Variants in AFF1 observed in about 807,000 individuals in gnomAD.
AFF1 encodes the protein ALF transcription elongation factor 1.
A neutral mutation model predicts 121.7 loss-of-function variants in AFF1; 48 were observed. The ratio of observed to expected loss-of-function variants is 0.39; its 90% CI spans 0.31 to 0.50. AFF1 has a LOEUF of 0.50. Ranked by LOEUF, AFF1 falls within the 20% of genes least tolerant of loss-of-function variation. The pLI is 0.76. For missense variants in AFF1, 1,523 were observed against 1,511.7 expected (o/e 1.01, Z -0.12); for synonymous variants, 613 against 563.0 (o/e 1.09, Z -1.26).
At chr4:87,085,930 T>C (rs1191200149) in intron 5 of AFF1, among the ~76,000 whole-genome samples, 1 of 151,918 alleles carries the variant, frequency 6.6e-6, no homozygotes, top group African/African-American at 2.4e-5. Context: ...GTAGAGACGG[T>C]GTTTCACCAT....
intron 2 of AFF1, among the ~76,000 whole-genome samples, chr4:86,961,663 A>ACCC (rs1722158841): frequency 1.3e-5 from 2 of 148,798 alleles, no homozygotes; most frequent in Non-Finnish European, 3.0e-5. Flanking sequence ...TAGTTACCCA[A>ACCC]AAAAAAAAAA....
chr4:86,944,160 A>G (rs1188736102), intron 1 of AFF1, among the ~76,000 whole-genome samples: 1 of 145,484 alleles, frequency 6.9e-6, no homozygotes, highest in African/African-American at 2.5e-5. Flanking sequence ...AAAAAAAAAA[A>G]AAAGTCTTCC....
Position 87,046,125 on chromosome 4 carries a change from T to A in AFF1, c.39-41T>A, listed in dbSNP as rs1349213693. 3 of 1,607,232 alleles carry A rather than the reference T, an allele frequency of 1.9e-6. No homozygotes were observed. The Admixed American group carries it at 5.2e-5, about 28-fold the overall frequency. On this transcript the variant is annotated intron_variant, in intron 2 of 20. Coordinates refer to ENST00000395146, the MANE Select transcript of AFF1 (RefSeq NM_001166693.3). ...ATGCCTGACAAAACTTGGAGACTGA[T>A]AAATTTTATTGTTTTCATTCTTTTG...
chr4:87,020,546 G>A (rs1171518836), intron 2 of AFF1, among the ~76,000 whole-genome samples: 3 of 152,072 alleles, frequency 2.0e-5, no homozygotes, highest in Admixed American at 6.6e-5. Context: ...GTGCAGTGGC[G>A]CAATTTCGGC....
At chr4:87,016,319 A>C (rs1727294445) in intron 2 of AFF1, among the ~76,000 whole-genome samples, 1 of 152,072 alleles carries the variant, frequency 6.6e-6, no homozygotes, top group Non-Finnish European at 1.5e-5. Context: ...GTTTTTGTAA[A>C]AGTGATTTTA....
intron 11 of AFF1, among the ~76,000 whole-genome samples, chr4:87,114,075 A>T (rs1399959745): frequency 1.3e-5 from 2 of 152,240 alleles, no homozygotes; most frequent in African/African-American, 4.8e-5. Context: ...TGTTTAAATT[A>T]TACTATAATT....
intron 8 of AFF1, among the ~76,000 whole-genome samples, chr4:87,098,307 T>C (rs983022636): frequency 1.2e-4 from 18 of 152,222 alleles, no homozygotes; most frequent in African/African-American, 4.1e-4. Context: ...TGTAAAGTTC[T>C]GTAGGTAACT....
chr4:87,091,864 A>G, intron 7 of AFF1, 35 bp downstream of exon 7: 1 of 1,484,020 alleles, frequency 6.7e-7, no homozygotes, highest in Non-Finnish European at 9.2e-7. Context: ...TGGATTGGAG[A>G]ACAAAGCATA....
rs554801102 is a variant in AFF1, at chr4:87,136,487, C to T, written c.*786C>T. Reference sequence around the variant, plus strand: ...TCGAGGTCTGCACAGGAGGACTTGGCGCTGCCATTTCCTACCCCTGCCATT... The same window carrying T: ...TCGAGGTCTGCACAGGAGGACTTGGTGCTGCCATTTCCTACCCCTGCCATT... On this transcript the variant is annotated 3_prime_UTR_variant, in exon 21 of 21. Transcript: ENST00000395146. 6.5e-5 allele frequency: 15 copies of T among 232,474 alleles called. No individual in the cohort carries two copies. Among genetic ancestry groups the T allele is most frequent in the South Asian group, 1.8e-4 (1 of 5,522 alleles). 14.4% of individuals were successfully genotyped at this position (232,474 alleles called of 1,614,324 possible).
intron 5 of AFF1, 112 bp from the exon 6 acceptor site, chr4:87,089,872 T>C: frequency 1.4e-6 from 1 of 722,140 alleles, no homozygotes; most frequent in Non-Finnish European, 2.3e-6. Flanking sequence ...ACTTTTAAGA[T>C]TGTACTTGCC....
rs1430004184 is a variant in AFF1, at chr4:87,114,707, G to A, written c.1874G>A (p.Arg625Gln). ...AAGGCCTCTGCCCGGGCAGGTTCAC[G>A]GACCAGCCTGCAGGGGGAAAGGGAG... is the stretch of plus-strand genomic sequence containing the variant. ...PVKASARAGS[R>Q]TSLQGEREPG... Residue 625 changes from arginine to glutamine, a missense_variant, in exon 12 of 21, where the codon CGG (arginine) becomes CAG (glutamine). By Grantham distance (43) the Arg-to-Gln change is conservative. This residue lies in a region of AFF1 where 905 missense variants were observed against 842.5 expected (regional missense o/e 1.07). Coordinates refer to ENST00000395146, the MANE Select transcript of AFF1 (RefSeq NM_001166693.3). The A allele has an allele frequency of 2.5e-6, 4 of 1,613,842 alleles. No homozygotes were observed. Among genetic ancestry groups the A allele is most frequent in the Admixed American group, 1.7e-5 (1 of 59,986 alleles).
intron 2 of AFF1, among the ~76,000 whole-genome samples, chr4:86,959,373 A>T (rs572594396): frequency 1.3e-3 from 196 of 152,286 alleles, no homozygotes; most frequent in Middle Eastern, 6.8e-3. Flanking sequence ...GTTTACATTA[A>T]AAAAAGAAAC....
chr4:87,107,741 G>A (rs1301950582), intron 10 of AFF1, among the ~76,000 whole-genome samples: 1 of 152,166 alleles, frequency 6.6e-6, no homozygotes, highest in East Asian at 1.9e-4. Context: ...CTCTATTGCA[G>A]CTGTTCAAAT....
At position 87,138,503 on chromosome 4, in the gene AFF1, G is replaced by A. The variant is rs895144990; in HGVS notation, c.*2802G>A. 1.9e-4 allele frequency: 39 copies of A among 206,594 alleles called. 1 individual carries two copies. The highest frequency in any genetic ancestry group is 8.2e-5 in the Non-Finnish European group (9 of 109,300). The allele number at this position is 206,594 out of a possible 1,614,324, so 12.8% of individuals were successfully genotyped here. ...TTGGCACTACAAGGTGTGTGTGTGT[G>A]TGTGTGTGTGTGTGTGTGTCTTTAG... On this transcript the variant is annotated 3_prime_UTR_variant, in exon 21 of 21. Coordinates refer to ENST00000395146, the MANE Select transcript of AFF1 (RefSeq NM_001166693.3).
chr4:87,004,134 C>T (rs1212461026), intron 2 of AFF1, among the ~76,000 whole-genome samples: 1 of 152,174 alleles, frequency 6.6e-6, no homozygotes, highest in Non-Finnish European at 1.5e-5. Flanking sequence ...CTGTTTTTAA[C>T]ATATGCCCCA....
At chr4:86,991,458 A>G (rs1214483084) in intron 2 of AFF1, among the ~76,000 whole-genome samples, 2 of 151,830 alleles carry the variant, frequency 1.3e-5, no homozygotes, top group Non-Finnish European at 2.9e-5. Flanking sequence ...AAAAAAAAAA[A>G]AAGAAATATG....
chr4:87,059,615 C>G (rs896500227), intron 4 of AFF1, among the ~76,000 whole-genome samples: 2 of 152,174 alleles, frequency 1.3e-5, no homozygotes, highest in African/African-American at 2.4e-5. Flanking sequence ...CAAGATCCTT[C>G]AGTACCTCTC....
chr4:87,055,041 G>A (rs974443790), intron 4 of AFF1, among the ~76,000 whole-genome samples: 6 of 152,120 alleles, frequency 3.9e-5, no homozygotes, highest in Admixed American at 6.5e-5. Flanking sequence ...GCAGTAGCAC[G>A]ATCACAGCTC....
At chr4:86,984,019 A>C (rs781568284) in intron 2 of AFF1, among the ~76,000 whole-genome samples, 7 of 152,272 alleles carry the variant, frequency 4.6e-5, no homozygotes, top group Middle Eastern at 3.4e-3. Flanking sequence ...CCTGGGTGAC[A>C]GAGCGAGACT....
Sources: gnomAD v4.1 joint callset for allele counts (sites outside exome capture counted in the v4.1 genomes callset) on GRCh38, gnomAD v4.1.1 for gene constraint, gnomAD v4.1.1 regional missense constraint, MANE v1.5 for transcripts, NCBI Gene and HGNC (gene_info 2026-07-23, HGNC 2026-07-21) for gene names.